Variants in GALNT13 observed in about 807,000 individuals in gnomAD.
GALNT13 encodes polypeptide N-acetylgalactosaminyltransferase 13, also known as UDP-GalNAc:polypeptide N-acetylgalactosaminyltransferase 13.
In GALNT13, 28 loss-of-function variants were observed where a neutral mutation model predicts 64.2. That is an observed-to-expected ratio of 0.44 (90% CI 0.32 to 0.60). GALNT13 has a LOEUF of 0.60. Ranked by LOEUF, GALNT13 falls within the 20% of genes least tolerant of loss-of-function variation. GALNT13 has a pLI of 0.05. For synonymous variants in GALNT13, 214 were observed against 224.6 expected (o/e 0.95, Z 0.42); for missense variants, 577 against 669.8 (o/e 0.86, Z 1.53).
chr2:153,672,198 A>T, the GALNT13 span, among the ~76,000 whole-genome samples: 1 of 152,162 alleles, frequency 6.6e-6, no homozygotes, highest in African/African-American at 2.4e-5. Context: ...TGGACCAAGC[A>T]GACCTAATAG....
At chr2:154,360,543 T>A (rs900867217) in intron 9 of GALNT13, among the ~76,000 whole-genome samples, 2 of 152,168 alleles carry the variant, frequency 1.3e-5, no homozygotes, top group African/African-American at 2.4e-5. Flanking sequence ...CGAAAAACAT[T>A]CCCAAATAAG....
At chr2:154,291,036 C>G (rs1454762716) in intron 8 of GALNT13, among the ~76,000 whole-genome samples, 2 of 152,048 alleles carry the variant, frequency 1.3e-5, no homozygotes, top group Non-Finnish European at 2.9e-5. Flanking sequence ...AAAGAGTGAG[C>G]AGCAGCAAGA....
intron 4 of GALNT13, among the ~76,000 whole-genome samples, chr2:154,191,947 A>G (rs1054572637): frequency 3.9e-5 from 6 of 152,130 alleles, no homozygotes; most frequent in Non-Finnish European, 7.4e-5. Flanking sequence ...GCCTTGGTGT[A>G]CCAGAAGAAT....
chr2:153,792,635 T>G, the GALNT13 span, among the ~76,000 whole-genome samples: 1 of 152,186 alleles, frequency 6.6e-6, no homozygotes, highest in South Asian at 2.1e-4. Flanking sequence ...CCAGGCATGA[T>G]TTTTAATAGC....
chr2:153,368,345 G>A, the GALNT13 span, among the ~76,000 whole-genome samples: 1 of 152,080 alleles, frequency 6.6e-6, no homozygotes, highest in Admixed American at 6.6e-5. Context: ...GAGCAAGAAG[G>A]TAGCCATTTG....
intron 4 of GALNT13, among the ~76,000 whole-genome samples, chr2:154,142,549 CAAAAAAAAAAAAAAA>C: frequency 1.5e-5 from 1 of 66,494 alleles, no homozygotes; most frequent in East Asian, 5.6e-4. Flanking sequence ...AACTCTGTCT[CAAAAAAAAAAAAAAA>C]AAAAAAAAAG....
chr2:153,563,243 T>C, the GALNT13 span, among the ~76,000 whole-genome samples: 1 of 152,106 alleles, frequency 6.6e-6, no homozygotes, highest in Non-Finnish European at 1.5e-5. Context: ...GTTCTGAAAG[T>C]TCTATTTTCC....
the GALNT13 span, among the ~76,000 whole-genome samples, chr2:153,115,760 T>C: frequency 6.6e-6 from 1 of 152,158 alleles, no homozygotes; most frequent in Non-Finnish European, 1.5e-5. Context: ...TAATTGAACA[T>C]TGGTCTTATG....
Position 153,879,365 on chromosome 2 carries a change from T to TGTGTGTGTGTGTGTGC in GALNT13, c.-177+7077_-177+7078insCGTGTGTGTGTGTGTG, listed in dbSNP as rs1305222400. Among the ~76,000 whole-genome samples the TGTGTGTGTGTGTGTGC allele has an allele frequency of 1.2e-3, 186 of 151,774 alleles. 1 individual carries two copies. Among genetic ancestry groups the TGTGTGTGTGTGTGTGC allele is most frequent in the African/African-American group, 3.7e-3 (152 of 41,402 alleles). ...ATAATTAAAACTACCTACGTGTGTG[T>TGTGTGTGTGTGTGTGC]GTGTGTGTGTGTGTGTGCATGTGTG... On this transcript the variant is annotated intron_variant, in intron 1 of 12. Coordinates refer to ENST00000392825, the MANE Select transcript of GALNT13 (RefSeq NM_052917.4).
intron 3 of GALNT13, among the ~76,000 whole-genome samples, chr2:154,070,919 G>GA (rs527665873): frequency 4.2e-4 from 54 of 127,822 alleles, no homozygotes; most frequent in Middle Eastern, 4.0e-3. Context: ...TGTTTCAAAA[G>GA]AAAAAAAAAA....
At chr2:153,495,124 C>G in the GALNT13 span, among the ~76,000 whole-genome samples, 1 of 151,788 alleles carries the variant, frequency 6.6e-6, no homozygotes, top group East Asian at 1.9e-4. Context: ...ATTACAATGA[C>G]TAAAACTAAA....
intron 3 of GALNT13, among the ~76,000 whole-genome samples, chr2:154,125,511 G>C (rs1304680155): frequency 1.3e-5 from 2 of 152,054 alleles, no homozygotes; most frequent in East Asian, 3.9e-4. Flanking sequence ...CATAAAAATA[G>C]AACTTGGAAC....
intron 2 of GALNT13, among the ~76,000 whole-genome samples, chr2:153,934,846 G>T (rs1197011733): frequency 6.6e-6 from 1 of 152,110 alleles, no homozygotes; most frequent in Admixed American, 6.6e-5. Flanking sequence ...CTGGCTGTTT[G>T]GGGCCTTGCA....
chr2:154,119,639 TCTGA>T (rs1273416618), intron 3 of GALNT13, among the ~76,000 whole-genome samples: 1 of 152,202 alleles, frequency 6.6e-6, no homozygotes, highest in Non-Finnish European at 1.5e-5. Flanking sequence ...TTTTTGCTCC[TCTGA>T]CTGGATTATT....
At chr2:153,928,946 T>C (rs1341521984) in intron 2 of GALNT13, among the ~76,000 whole-genome samples, 1 of 152,162 alleles carries the variant, frequency 6.6e-6, no homozygotes, top group East Asian at 1.9e-4. Flanking sequence ...TCCACCCTTA[T>C]TTCACTCACT....
At chr2:153,539,831 C>T in the GALNT13 span, among the ~76,000 whole-genome samples, 1 of 152,018 alleles carries the variant, frequency 6.6e-6, no homozygotes, top group Non-Finnish European at 1.5e-5. Flanking sequence ...TAGTGTGATG[C>T]CTCCAGCTTT....
chr2:153,432,409 T>C, the GALNT13 span, among the ~76,000 whole-genome samples: 1 of 152,194 alleles, frequency 6.6e-6, no homozygotes, highest in Non-Finnish European at 1.5e-5. Context: ...AGGGGTTTAA[T>C]TAACTTTCGA....
At chr2:153,811,569 C>T in the GALNT13 span, among the ~76,000 whole-genome samples, 1 of 152,142 alleles carries the variant, frequency 6.6e-6, no homozygotes, top group Non-Finnish European at 1.5e-5. Context: ...GAGAATTGCT[C>T]AGCATTGTTG....
At chr2:153,385,461 CT>C in the GALNT13 span, among the ~76,000 whole-genome samples, 6 of 151,968 alleles carry the variant, frequency 3.9e-5, 1 homozygote, top group Non-Finnish European at 8.8e-5. Flanking sequence ...CATGTTCTCA[CT>C]TATTTGTGGA....
Sources: gnomAD v4.1 joint callset for allele counts (sites outside exome capture counted in the v4.1 genomes callset) on GRCh38, gnomAD v4.1.1 for gene constraint, MANE v1.5 for transcripts, NCBI Gene and HGNC (gene_info 2026-07-23, HGNC 2026-07-21) for gene names.